ANKRD45: variants seen among roughly 807,000 people sequenced by gnomAD.
ANKRD45 encodes ankyrin repeat domain-containing protein 45.
Under a neutral mutation model 28.1 loss-of-function variants are expected in ANKRD45, and 21 were observed. The observed-to-expected ratio is 0.75, with a 90% CI of 0.53 to 1.08. ANKRD45 has a LOEUF of 1.08. Ranked by LOEUF, ANKRD45 falls within the 50% of genes least tolerant of loss-of-function variation. The pLI is 0.00. For missense variants in ANKRD45, 261 were observed against 308.7 expected (o/e 0.85, Z 1.16); for synonymous variants, 86 against 103.9 (o/e 0.83, Z 1.05).
At chr1:173,671,143 ACTTT>A (rs1430656807), upstream of ANKRD45, among the ~76,000 whole-genome samples, 1 of 151,580 alleles carries the variant, frequency 6.6e-6, no homozygotes, top group African/African-American at 2.4e-5. Flanking sequence ...CAATGACAAA[ACTTT>A]CTTTCCTTTT....
chr1:173,636,812 T>C lies in ANKRD45; in HGVS notation c.497-9653A>G, dbSNP rs1225196674. 5.9e-6 allele frequency: 9 copies of C among 1,521,644 alleles called. No individual in the cohort carries two copies. The South Asian group carries it at 8.4e-5, about 14-fold the overall frequency. The allele number at this position is 1,521,644 out of a possible 1,614,324, so 94.3% of individuals were successfully genotyped here. A position where few individuals can be genotyped will look rare whatever the true frequency, so the allele number is the denominator to read the frequency against. ...TTTTATGTAGATAAAATCTGTATTG[T>C]TTTTCTCCTTTTAGCTGAAAAAGCA... On this transcript the variant is annotated intron_variant, in intron 3 of 5. Coordinates refer to ENST00000333279, the MANE Select transcript of ANKRD45 (RefSeq NM_198493.3).
chr1:173,669,960 G>T, upstream of ANKRD45: 1 of 169,102 alleles, frequency 5.9e-6, no homozygotes. Context: ...AAAACAGCCA[G>T]GAATTATCTA....
chr1:173,673,388 C>T (rs889167502), upstream of ANKRD45, among the ~76,000 whole-genome samples: 1 of 152,114 alleles, frequency 6.6e-6, no homozygotes, highest in African/African-American at 2.4e-5. Context: ...GCTAGGATTA[C>T]AGGCATGAAC....
At chr1:173,687,769 T>C in the ANKRD45 span, among the ~76,000 whole-genome samples, 1 of 152,106 alleles carries the variant, frequency 6.6e-6, no homozygotes, top group Non-Finnish European at 1.5e-5. Flanking sequence ...AATTATTAGG[T>C]AATTTTCCTA....
Position 173,615,930 on chromosome 1 carries a change from C to T in ANKRD45, c.731-5715G>A, listed in dbSNP as rs547318437. Among the ~76,000 whole-genome samples, 86 of 152,014 alleles carry T rather than the reference C, an allele frequency of 5.7e-4. 1 individual carries two copies. Among genetic ancestry groups the T allele is most frequent in the Admixed American group, 7.2e-4 (11 of 15,270 alleles). On this transcript the variant is annotated intron_variant, in intron 5 of 5. Transcript: ENST00000333279. Reference sequence around the variant, plus strand: ...CATCCTGGCTAACATGGTGAAACCCCGTCTCTACTAAAAATACAAAAAATT... The same window carrying T: ...CATCCTGGCTAACATGGTGAAACCCTGTCTCTACTAAAAATACAAAAAATT...
chr1:173,628,620 T>C (rs1002119582), intron 3 of ANKRD45, among the ~76,000 whole-genome samples: 3 of 152,096 alleles, frequency 2.0e-5, no homozygotes, highest in Admixed American at 1.3e-4. Context: ...TGCAGTAGAA[T>C]AGAGCACCAG....
chr1:173,673,333 G>A (rs1041761547), upstream of ANKRD45, among the ~76,000 whole-genome samples: 3 of 151,802 alleles, frequency 2.0e-5, no homozygotes, highest in Admixed American at 1.3e-4. Context: ...GGCTGGTCTC[G>A]AACTCATGAT....
Position 173,659,163 on chromosome 1 carries a change from T to C in ANKRD45, c.256A>G (p.Met86Val), listed in dbSNP as rs775552008. 51 of 1,614,088 alleles carry C rather than the reference T, an allele frequency of 3.2e-5. No homozygotes were observed. In the East Asian group the frequency reaches 4.2e-4, roughly 13 times the overall value. The change falls in exon 2 of 6, where the codon ATG (methionine) becomes GTG (valine). Residue 86 changes from methionine (M) to valine (V), a missense_variant. Transcript: ENST00000333279. The part of the protein sequence containing the change: ...VGRNLLYAAC[M>V]AGQSDVIRAL... ...CTAATCACGTCACTTTGCCCAGCCA[T>C]GCAAGCTGCATACAACAAATTTCTC...
At chr1:173,653,025 T>C (rs1558139727) in intron 2 of ANKRD45, among the ~76,000 whole-genome samples, 3 of 152,064 alleles carry the variant, frequency 2.0e-5, no homozygotes, top group Admixed American at 1.3e-4. Flanking sequence ...CTATCAATTT[T>C]GTGGATCTTT....
At chr1:173,631,422 A>G (rs1190082820) in intron 3 of ANKRD45, among the ~76,000 whole-genome samples, 1 of 152,120 alleles carries the variant, frequency 6.6e-6, no homozygotes, top group Non-Finnish European at 1.5e-5. Context: ...TCATCCGGAC[A>G]GATCATCCAG....
At chr1:173,711,394 C>T in the ANKRD45 span, among the ~76,000 whole-genome samples, 239 of 152,254 alleles carry the variant, frequency 1.6e-3, 1 homozygote, top group Non-Finnish European at 2.7e-3. Flanking sequence ...ACTTTGGTTC[C>T]GTTTGGAAAG....
intron 2 of ANKRD45, among the ~76,000 whole-genome samples, chr1:173,648,713 G>A (rs1430160204): frequency 6.6e-6 from 1 of 152,086 alleles, no homozygotes; most frequent in East Asian, 1.9e-4. Flanking sequence ...CCACACATTG[G>A]AAAATACCTA....
At chr1:173,643,324 C>A (rs1381312475) in intron 3 of ANKRD45, among the ~76,000 whole-genome samples, 1 of 151,914 alleles carries the variant, frequency 6.6e-6, no homozygotes, top group Admixed American at 6.6e-5. Context: ...CAGGCTCCTG[C>A]CACTGTGCCC....
At chr1:173,644,993 CAAAA>C (rs34936839) in intron 3 of ANKRD45, among the ~76,000 whole-genome samples, 2 of 131,354 alleles carry the variant, frequency 1.5e-5, no homozygotes, top group African/African-American at 3.0e-5. Context: ...AACTCCATCT[CAAAA>C]AAAAAAAAAA....
intron 2 of ANKRD45, among the ~76,000 whole-genome samples, chr1:173,654,083 T>C (rs534859769): frequency 1.3e-5 from 2 of 152,288 alleles, no homozygotes; most frequent in East Asian, 1.9e-4. Flanking sequence ...TGTCTTTTAA[T>C]TGCGGCATTT....
chr1:173,656,672 A>C (rs1669531277), intron 2 of ANKRD45, among the ~76,000 whole-genome samples: 1 of 152,154 alleles, frequency 6.6e-6, no homozygotes, highest in Admixed American at 6.5e-5. Flanking sequence ...AGCTCATAAA[A>C]GCTGGCTCTA....
At chr1:173,710,686 C>T in the ANKRD45 span, among the ~76,000 whole-genome samples, 1 of 152,152 alleles carries the variant, frequency 6.6e-6, no homozygotes, top group East Asian at 1.9e-4. Context: ...GCCCACTCAC[C>T]CAATTCCTGA....
intron 3 of ANKRD45, among the ~76,000 whole-genome samples, chr1:173,636,037 G>C (rs1256811272): frequency 6.6e-6 from 1 of 152,028 alleles, no homozygotes; most frequent in Non-Finnish European, 1.5e-5. Context: ...TATTGAATTA[G>C]AAGGTCCTTA....
At chr1:173,702,748 G>T in the ANKRD45 span, among the ~76,000 whole-genome samples, 2 of 143,878 alleles carry the variant, frequency 1.4e-5, no homozygotes, top group African/African-American at 5.2e-5. Context: ...TTGAGATAGG[G>T]TCTCACTTTC....
Sources: allele counts gnomAD v4.1 joint callset (sites outside exome capture counted in the v4.1 genomes callset), GRCh38; gene constraint gnomAD v4.1.1; transcripts MANE v1.5; gene names NCBI Gene and HGNC (gene_info 2026-07-23, HGNC 2026-07-21).